The following EPHB1 variants were observed in gnomAD, a reference collection of about 807,000 sequenced individuals.
EPHB1 encodes ephrin type-B receptor 1.
Under a neutral mutation model 94.4 loss-of-function variants are expected in EPHB1, and 30 were observed. That is an observed-to-expected ratio of 0.32 (90% CI 0.24 to 0.43). EPHB1 has a LOEUF of 0.43. Among genes scored for constraint, EPHB1 ranks in the 20% least tolerant of loss-of-function variants. The pLI, the probability that EPHB1 is intolerant of heterozygous loss-of-function variation, is 1.00. For synonymous variants in EPHB1, 522 were observed against 489.1 expected, an observed-to-expected ratio of 1.07 and a Z score of -0.89; for missense variants, 1,055 against 1,308.3, an observed-to-expected ratio of 0.81 and a Z score of 2.99.
At chr3:135,009,474 A>G (rs954030668) in intron 3 of EPHB1, among the ~76,000 whole-genome samples, 2 of 152,198 alleles carry the variant, frequency 1.3e-5, no homozygotes, top group Non-Finnish European at 2.9e-5. Context: ...TTTGAGATGC[A>G]GAAAACAGAA....
At chr3:135,170,088 G>T (rs1043698331) in intron 9 of EPHB1, among the ~76,000 whole-genome samples, 1 of 152,196 alleles carries the variant, frequency 6.6e-6, no homozygotes, top group Non-Finnish European at 1.5e-5. Context: ...CCTGACCAGG[G>T]AGTAACAGAA....
At chr3:135,197,405 A>C (rs894635191) in intron 11 of EPHB1, among the ~76,000 whole-genome samples, 9 of 152,198 alleles carry the variant, frequency 5.9e-5, no homozygotes, top group African/African-American at 9.6e-5. Flanking sequence ...TCCTGAGACC[A>C]AGGTTCTGCT....
chr3:134,908,944 T>TG (rs982764207), intron 1 of EPHB1, among the ~76,000 whole-genome samples: 1 of 148,702 alleles, frequency 6.7e-6, no homozygotes, highest in African/African-American at 2.6e-5. Flanking sequence ...GATGGTGCCA[T>TG]GGGGCTCCTC....
At chr3:135,184,099 A>G (rs1374516720) in intron 10 of EPHB1, among the ~76,000 whole-genome samples, 1 of 152,214 alleles carries the variant, frequency 6.6e-6, no homozygotes, top group Non-Finnish European at 1.5e-5. Flanking sequence ...AGCTTATCCA[A>G]ACTGGGGTAT....
At chr3:135,048,207 G>GTCTTAAAAAAATAC (rs1485317575) in intron 3 of EPHB1, among the ~76,000 whole-genome samples, 1 of 125,534 alleles carries the variant, frequency 8.0e-6, no homozygotes, top group East Asian at 2.8e-4. Flanking sequence ...TCTCTTTCAA[G>GTCTTAAAAAAATAC]TCTTAAAAAA....
intron 3 of EPHB1, among the ~76,000 whole-genome samples, chr3:135,088,415 C>T (rs573977474): frequency 5.9e-5 from 9 of 152,212 alleles, no homozygotes; most frequent in East Asian, 1.9e-4. Flanking sequence ...AGAAATGTTA[C>T]GATTACATTT....
intron 8 of EPHB1, 27 bp downstream of exon 8, chr3:135,166,103 C>G (rs1189729874): frequency 1.3e-6 from 2 of 1,574,012 alleles, no homozygotes; most frequent in South Asian, 2.2e-5. Context: ...CACTTGCTCT[C>G]CTTGGACCCA....
chr3:135,130,117 G>A (rs1317072563), intron 4 of EPHB1, among the ~76,000 whole-genome samples: 10 of 152,296 alleles, frequency 6.6e-5, no homozygotes, highest in African/African-American at 2.4e-4. Flanking sequence ...TCGGAGAAAT[G>A]CAGAAGCAAT....
At chr3:135,025,479 G>C (rs1263139493) in intron 3 of EPHB1, among the ~76,000 whole-genome samples, 7 of 80,620 alleles carry the variant, frequency 8.7e-5, no homozygotes, top group Admixed American at 1.9e-4. Flanking sequence ...TTTTGTTCTT[G>C]CGATAGTTTA....
chr3:135,050,134 A>G (rs1183802123), intron 3 of EPHB1, among the ~76,000 whole-genome samples: 1 of 152,254 alleles, frequency 6.6e-6, no homozygotes, highest in Admixed American at 6.5e-5. Flanking sequence ...AGGAAATGAT[A>G]TAGAGATACA....
chr3:134,981,385 T>A (rs945494994), intron 3 of EPHB1, among the ~76,000 whole-genome samples: 2 of 152,228 alleles, frequency 1.3e-5, no homozygotes, highest in African/African-American at 4.8e-5. Context: ...TCCATGTCAC[T>A]GGTAGTCATT....
chr3:135,105,911 C>A lies in EPHB1; in HGVS notation c.806-537C>A, dbSNP rs1186245595. Among the ~76,000 whole-genome samples the A allele has an allele frequency of 2.0e-5, 3 of 152,212 alleles. No individual in the cohort carries two copies. The East Asian group carries it at 5.8e-4, about 29-fold the overall frequency. ...ATCACTTATGAATTTCAGCCCTTTGCCATCATTCATAGCAAGAGCTTGTTA... is the reference window on the plus strand; with the variant it reads ...ATCACTTATGAATTTCAGCCCTTTGACATCATTCATAGCAAGAGCTTGTTA... On this transcript the variant is annotated intron_variant, in intron 3 of 15. Transcript: ENST00000398015.
chr3:135,063,454 G>C (rs1335137768), intron 3 of EPHB1, among the ~76,000 whole-genome samples: 1 of 151,456 alleles, frequency 6.6e-6, no homozygotes, highest in Non-Finnish European at 1.5e-5. Flanking sequence ...TGCAGCTATT[G>C]TAAAAGGGAT....
rs566764358 is a variant in EPHB1 at position 135,241,096 on chromosome 3, C to T, written c.2347-52C>T. The T allele has an allele frequency of 1.9e-6, 3 of 1,612,658 alleles. No homozygotes were observed. In the South Asian group the frequency reaches 3.3e-5, roughly 18 times the overall value. Reference sequence around the variant, plus strand: ...GCATGCCAAGTTTTTTATTGCCTGCCTTCAATCAGAAACCTGATTGTTGGG... The same window carrying T: ...GCATGCCAAGTTTTTTATTGCCTGCTTTCAATCAGAAACCTGATTGTTGGG... On this transcript the variant is annotated intron_variant, in intron 12 of 15. Coordinates refer to ENST00000398015, the MANE Select transcript of EPHB1 (RefSeq NM_004441.5).
intron 3 of EPHB1, among the ~76,000 whole-genome samples, chr3:135,068,406 T>C (rs1413875742): frequency 6.6e-6 from 1 of 152,220 alleles, no homozygotes. Flanking sequence ...AATTTGCATT[T>C]CCTTAGTTAT....
At chr3:135,210,208 C>T (rs1943000089) in intron 12 of EPHB1, among the ~76,000 whole-genome samples, 1 of 152,208 alleles carries the variant, frequency 6.6e-6, no homozygotes, top group African/African-American at 2.4e-5. Context: ...GGCACAGACT[C>T]ATTGAAGTAG....
intron 10 of EPHB1, among the ~76,000 whole-genome samples, chr3:135,180,332 C>T (rs1455700494): frequency 6.6e-6 from 1 of 152,208 alleles, no homozygotes; most frequent in African/African-American, 2.4e-5. Flanking sequence ...TAGTATTCCA[C>T]TTACTAACAA....
At chr3:135,006,147 T>C (rs1935403028) in intron 3 of EPHB1, among the ~76,000 whole-genome samples, 1 of 152,212 alleles carries the variant, frequency 6.6e-6, no homozygotes, top group African/African-American at 2.4e-5. Flanking sequence ...TAAACCTCTT[T>C]CCTTTATAAA....
At chr3:135,224,046 T>A (rs1943334228) in intron 12 of EPHB1, among the ~76,000 whole-genome samples, 1 of 152,206 alleles carries the variant, frequency 6.6e-6, no homozygotes, top group African/African-American at 2.4e-5. Flanking sequence ...CTTTTCTGTG[T>A]TTAGATATGT....
Sources: allele counts gnomAD v4.1 joint callset (sites outside exome capture counted in the v4.1 genomes callset), GRCh38; gene constraint gnomAD v4.1.1; transcripts MANE v1.5; gene names NCBI Gene and HGNC (gene_info 2026-07-23, HGNC 2026-07-21).